Variants in PCDHA10 observed in about 807,000 individuals in gnomAD.
PCDHA10 encodes protocadherin alpha-10.
A neutral mutation model predicts 61.2 loss-of-function variants in PCDHA10; 45 were observed. The observed-to-expected ratio is 0.74, with a 90% CI of 0.58 to 0.94. PCDHA10 has a LOEUF of 0.94. Ranked by LOEUF, PCDHA10 falls within the 40% of genes least tolerant of loss-of-function variation. PCDHA10 has a pLI of 0.00. For synonymous variants in PCDHA10, 602 were observed against 548.8 expected (o/e 1.10, Z -1.35); for missense variants, 1,278 against 1,236.2 (o/e 1.03, Z -0.51).
chr5:140,863,615 T>A (rs1290782399), intron 1 of PCDHA10: 16 of 339,092 alleles, frequency 4.7e-5, no homozygotes, highest in Non-Finnish European at 8.7e-5. Context: ...ATGTCCCTCA[T>A]AGTGACATTG....
chr5:140,915,259 T>C (rs1344301014), intron 1 of PCDHA10, among the ~76,000 whole-genome samples: 1 of 152,182 alleles, frequency 6.6e-6, no homozygotes, highest in East Asian at 1.9e-4. Context: ...GTTGTTATTA[T>C]TTTTGACCAG....
chr5:140,890,632 T>C (rs561301430), intron 1 of PCDHA10, among the ~76,000 whole-genome samples: 28 of 152,330 alleles, frequency 1.8e-4, no homozygotes, highest in African/African-American at 6.0e-4. Context: ...ATTAAGCATG[T>C]ATCCTTGATA....
At chr5:140,882,871 C>T in intron 1 of PCDHA10, 1 of 1,614,164 alleles carries the variant, frequency 6.2e-7, no homozygotes, top group East Asian at 2.2e-5. Flanking sequence ...AAACACTGGA[C>T]AGAGAGGAAA....
intron 3 of PCDHA10, among the ~76,000 whole-genome samples, chr5:141,007,590 GATA>G (rs1332143320): frequency 4.0e-5 from 6 of 151,858 alleles, no homozygotes; most frequent in Non-Finnish European, 8.8e-5. Context: ...TAATAATCAT[GATA>G]ATAATAAAAG....
chr5:140,871,519 A>G, intron 1 of PCDHA10: 1 of 1,554,010 alleles, frequency 6.4e-7, no homozygotes, highest in East Asian at 2.3e-5. Flanking sequence ...GATTCCACCT[A>G]TCAGGAAGTG....
intron 3 of PCDHA10, among the ~76,000 whole-genome samples, chr5:140,999,166 A>G (rs2097849848): frequency 6.6e-6 from 1 of 152,190 alleles, no homozygotes; most frequent in South Asian, 2.1e-4. Context: ...CTAGAAGGAA[A>G]AGAGCCTGAT....
chr5:140,999,775 A>T (rs2097875590), intron 3 of PCDHA10, among the ~76,000 whole-genome samples: 1 of 152,178 alleles, frequency 6.6e-6, no homozygotes, highest in African/African-American at 2.4e-5. Context: ...TATACTCTTA[A>T]CCTAGAAATG....
At chr5:140,988,043 A>G (rs2153870251) in intron 3 of PCDHA10, among the ~76,000 whole-genome samples, 1 of 152,336 alleles carries the variant, frequency 6.6e-6, no homozygotes, top group Non-Finnish European at 1.5e-5. Context: ...GAATCTGTTT[A>G]GGAGCACTGT....
chr5:140,945,048 A>G (rs2093731802), intron 1 of PCDHA10, among the ~76,000 whole-genome samples: 1 of 152,182 alleles, frequency 6.6e-6, no homozygotes, highest in South Asian at 2.1e-4. Context: ...GGTCTTATAT[A>G]AAGAAAACCC....
chr5:140,903,346 A>G (rs76789733), intron 1 of PCDHA10, among the ~76,000 whole-genome samples: 12,326 of 152,302 alleles, frequency 0.081, 540 homozygotes, highest in Middle Eastern at 0.13. Context: ...TGCATTTTAA[A>G]AAACAAGTTT....
At chr5:140,870,030 T>C (rs782502508) in intron 1 of PCDHA10, 4 of 1,613,662 alleles carry the variant, frequency 2.5e-6, no homozygotes, top group Admixed American at 1.7e-5. Context: ...CTTTAGATTA[T>C]GAAGAAAACA....
chr5:140,886,127 C>T (rs1308479455), intron 1 of PCDHA10, among the ~76,000 whole-genome samples: 5 of 152,172 alleles, frequency 3.3e-5, no homozygotes, highest in African/African-American at 1.2e-4. Flanking sequence ...AGTTCCGTAA[C>T]AACCAGATTC....
intron 1 of PCDHA10, chr5:140,860,628 G>A (rs1488931314): frequency 6.6e-6 from 1 of 152,206 alleles, no homozygotes; most frequent in African/African-American, 2.4e-5. Flanking sequence ...ACATATGCAG[G>A]AATCAGGAAC....
intron 1 of PCDHA10, chr5:140,869,931 G>C (rs2051507983): frequency 6.2e-7 from 1 of 1,611,492 alleles, no homozygotes; most frequent in Admixed American, 1.7e-5. Flanking sequence ...TCAATGGAGA[G>C]GTAACATACT....
intron 1 of PCDHA10, chr5:140,861,340 C>T (rs1364602007): frequency 3.6e-6 from 1 of 276,532 alleles, no homozygotes; most frequent in African/African-American, 2.2e-5. Context: ...TGGAAGAGGC[C>T]AAGGACGGCA....
At chr5:140,882,482 G>C (rs200256955) in intron 1 of PCDHA10, 38 of 1,613,930 alleles carry the variant, frequency 2.4e-5, no homozygotes, top group Admixed American at 8.3e-5. Flanking sequence ...CAAAAGACAC[G>C]GGGACCTTCT....
At position 140,856,086 on chromosome 5, in the gene PCDHA10, T is replaced by C. The variant is rs1554148156; in HGVS notation, c.38T>C (p.Leu13Pro). The C allele has an allele frequency of 1.9e-6, 3 of 1,596,442 alleles. No homozygotes were observed. Among genetic ancestry groups the C allele is most frequent in the Non-Finnish European group, 2.6e-6 (3 of 1,166,542 alleles). ...SRCSCLGVQC[L>P]LLSLLLLAAW... is the part of the protein sequence containing the mutation. ...TGTAGCTGCCTGGGGGTCCAGTGTC[T>C]GCTGCTCTCGCTTCTTCTCCTCGCA... is the stretch of plus-strand genomic sequence containing the variant. The change falls in exon 1 of 4, where the codon CTG (leucine) becomes CCG (proline). Residue 13 changes from leucine (L) to proline (P), a missense_variant. Transcript: ENST00000307360.
intron 1 of PCDHA10, among the ~76,000 whole-genome samples, chr5:140,905,413 A>T (rs2071819141): frequency 6.6e-6 from 1 of 152,180 alleles, no homozygotes; most frequent in South Asian, 2.1e-4. Flanking sequence ...TTATACCAGT[A>T]CCATGCTGGT....
At position 140,917,487 on chromosome 5, in the gene PCDHA10, A is replaced by T. The variant is rs1303002890; in HGVS notation, c.2388+59051A>T. Among the ~76,000 whole-genome samples, 3 of 152,232 alleles carry T rather than the reference A, an allele frequency of 2.0e-5. No individual in the cohort carries two copies. The East Asian group carries it at 5.8e-4, about 29-fold the overall frequency. The stretch of plus-strand genomic sequence containing the variant: ...TGTCATGAAATCTTTGCCAGGGCCT[A>T]TGCCCAGAATGATATTTTCTAGGTT... On this transcript the variant is annotated intron_variant, in intron 1 of 3. Coordinates refer to ENST00000307360, the MANE Select transcript of PCDHA10 (RefSeq NM_018901.4).
Sources: gnomAD v4.1 joint callset for allele counts (sites outside exome capture counted in the v4.1 genomes callset) on GRCh38, gnomAD v4.1.1 for gene constraint, MANE v1.5 for transcripts, NCBI Gene and HGNC (gene_info 2026-07-23, HGNC 2026-07-21) for gene names.